Variants in ANK1 observed in about 807,000 individuals in gnomAD.
ANK1 encodes ankyrin-1.
ANK1 carries 51 observed loss-of-function variants against 210.4 expected under a neutral mutation model. The observed-to-expected ratio is 0.24, with a 90% CI of 0.19 to 0.31. ANK1 has a LOEUF of 0.31. Among genes scored for constraint, ANK1 ranks in the 10% least tolerant of loss-of-function variants. The pLI is 1.00. For missense variants in ANK1, 2,051 were observed against 2,504.4 expected, an observed-to-expected ratio of 0.82 and a Z score of 3.86; for synonymous variants, 967 against 1,025.9, an observed-to-expected ratio of 0.94 and a Z score of 1.10.
chr8:41,765,495 C>A (rs1158305000), intron 1 of ANK1, among the ~76,000 whole-genome samples: 5 of 152,168 alleles, frequency 3.3e-5, no homozygotes, highest in African/African-American at 1.2e-4. Flanking sequence ...AATCTTCCCA[C>A]CTCCACCTCC....
chr8:41,800,027 T>C (rs1248458055), upstream of ANK1, among the ~76,000 whole-genome samples: 1 of 152,154 alleles, frequency 6.6e-6, no homozygotes, highest in African/African-American at 2.4e-5. Context: ...TCCCAAGTTA[T>C]CTGCCATAGA....
At chr8:41,729,462 C>T (rs1831549351) in intron 3 of ANK1, among the ~76,000 whole-genome samples, 1 of 152,218 alleles carries the variant, frequency 6.6e-6, no homozygotes, top group South Asian at 2.1e-4. Context: ...ACCATCATAA[C>T]TCACTGCAGC....
chr8:41,896,585 G>T, exon 1 of ANK1: 6 of 1,375,560 alleles, frequency 4.4e-6, no homozygotes, highest in Admixed American at 3.2e-5. Context: ...CTCCACAGAG[G>T]GGACAGCGTT....
intron 2 of ANK1, among the ~76,000 whole-genome samples, chr8:41,744,877 G>A (rs1238904287): frequency 6.6e-6 from 1 of 152,318 alleles, no homozygotes; most frequent in East Asian, 1.9e-4. Context: ...ATGGCCATAT[G>A]GCCATGAGGC....
In ANK1 at chr8:41,715,859, G is replaced by A. The variant is rs775480370; in HGVS notation, c.1405-10C>T. The A allele has an allele frequency of 1.1e-5, 18 of 1,613,992 alleles. No homozygotes were observed. The highest frequency in any genetic ancestry group is 3.3e-5 in the Admixed American group (2 of 60,012). On this transcript the variant is annotated splice_polypyrimidine_tract_variant and intron_variant, in intron 13 of 42. Transcript: ENST00000289734. ...GTGGGGTCTGGTCATCCTGGACCCC[G>A]AAGGGAAAACAAAGAAGAAGAAACG...
chr8:41,692,059 CT>C (rs76005004), intron 31 of ANK1, among the ~76,000 whole-genome samples: 10,803 of 140,630 alleles, frequency 0.077, 758 homozygotes, highest in African/African-American at 0.2. Context: ...CTGGCTAGCA[CT>C]TTTTTTTTTT....
At chr8:41,711,536 C>G (rs1417178761) in intron 16 of ANK1, among the ~76,000 whole-genome samples, 2 of 152,222 alleles carry the variant, frequency 1.3e-5, no homozygotes, top group African/African-American at 4.8e-5. Context: ...CACATGCCCC[C>G]TGGAGGTCAC....
At chr8:41,705,509 G>T (rs1187431157) in intron 18 of ANK1, among the ~76,000 whole-genome samples, 1 of 152,156 alleles carries the variant, frequency 6.6e-6, no homozygotes, top group Non-Finnish European at 1.5e-5. Context: ...TGGAGGGGGC[G>T]GGAGCTCCTG....
At chr8:41,820,787 C>T (rs1804135095) in intron 1 of ANK1, among the ~76,000 whole-genome samples, 1 of 152,080 alleles carries the variant, frequency 6.6e-6, no homozygotes, top group African/African-American at 2.4e-5. Context: ...ACACGAGAGT[C>T]CCACAAAATA....
At chr8:41,802,286 G>A (rs529833496), upstream of ANK1, among the ~76,000 whole-genome samples, 68 of 152,274 alleles carry the variant, frequency 4.5e-4, no homozygotes, top group East Asian at 3.7e-3. Context: ...CACCACGCCC[G>A]ACCTATAGTT....
At chr8:41,695,414 A>C in intron 26 of ANK1, 83 bp from the exon 27 acceptor site, 1 of 1,591,408 alleles carries the variant, frequency 6.3e-7, no homozygotes, top group Non-Finnish European at 8.6e-7. Flanking sequence ...GCCGGCTCCC[A>C]CCCAGATGGA....
intron 1 of ANK1, among the ~76,000 whole-genome samples, chr8:41,850,081 A>G (rs1198496093): frequency 6.6e-6 from 1 of 152,136 alleles, no homozygotes; most frequent in Non-Finnish European, 1.5e-5. Context: ...TCCTGCCGGC[A>G]CCAGGCTCAG....
At chr8:41,700,099 C>A (rs1243612497) in intron 22 of ANK1, among the ~76,000 whole-genome samples, 2 of 152,230 alleles carry the variant, frequency 1.3e-5, no homozygotes, top group Admixed American at 6.5e-5. Context: ...GGAGCCCCGG[C>A]CCTCGACCTT....
intron 2 of ANK1, among the ~76,000 whole-genome samples, chr8:41,745,535 T>C (rs924424651): frequency 6.6e-6 from 1 of 151,640 alleles, no homozygotes; most frequent in Non-Finnish European, 1.5e-5. Flanking sequence ...TAATGGGAGG[T>C]AAGGAGGAGT....
intron 22 of ANK1, chr8:41,700,559 G>C (rs1822482015): frequency 4.3e-6 from 5 of 1,176,062 alleles, no homozygotes; most frequent in Admixed American, 3.4e-5. Flanking sequence ...TGCTTCTCTA[G>C]TTGACAAAGT....
chr8:41,788,291 G>A (rs567844636), intron 1 of ANK1, among the ~76,000 whole-genome samples: 8 of 152,238 alleles, frequency 5.3e-5, no homozygotes, highest in South Asian at 4.2e-4. Context: ...TTCACTGACC[G>A]GAGAACACAA....
intron 39 of ANK1, among the ~76,000 whole-genome samples, chr8:41,667,486 G>T (rs1810944136): frequency 6.6e-6 from 1 of 152,196 alleles, no homozygotes; most frequent in African/African-American, 2.4e-5. Context: ...CGATGGCCAG[G>T]ATATGCTTCC....
intron 15 of ANK1, 110 bp from the exon 16 acceptor site, chr8:41,714,364 A>G: frequency 1.2e-6 from 1 of 846,562 alleles, no homozygotes; most frequent in Non-Finnish European, 1.7e-6. Context: ...CCTGTTTAAA[A>G]TCTTTCCCAG....
chr8:41,839,267 G>C (rs1808398440), intron 1 of ANK1, among the ~76,000 whole-genome samples: 4 of 152,172 alleles, frequency 2.6e-5, no homozygotes. Context: ...CATGATCTGA[G>C]GACTCTGCAT....
Sources: gnomAD v4.1 joint callset for allele counts (sites outside exome capture counted in the v4.1 genomes callset) on GRCh38, gnomAD v4.1.1 for gene constraint, MANE v1.5 for transcripts, NCBI Gene and HGNC (gene_info 2026-07-23, HGNC 2026-07-21) for gene names.